NPC1: variants seen among roughly 807,000 people sequenced by gnomAD.
NPC1 encodes the protein NPC intracellular cholesterol transporter 1.
Under a neutral mutation model 140.4 loss-of-function variants are expected in NPC1, and 85 were observed. The observed-to-expected ratio is 0.61, with a 90% confidence interval of 0.51 to 0.72. NPC1 has a LOEUF of 0.72. Among genes scored for constraint, NPC1 ranks in the 30% least tolerant of loss-of-function variants. The pLI is 0.00. For synonymous variants in NPC1, 656 were observed against 624.8 expected (o/e 1.05, Z -0.74); for missense variants, 1,504 against 1,623.8 (o/e 0.93, Z 1.27).
At chr18:23,528,524 A>G (rs2058376209), downstream of NPC1, 1 of 153,080 alleles carries the variant, frequency 6.5e-6, no homozygotes, top group South Asian at 2.1e-4. Context: ...TTAAACCAAC[A>G]AAAGCCCCAG....
rs570220611 is a variant in NPC1 at position 23,582,696 on chromosome 18, C to G, written c.57+3591G>C. On this transcript the variant is annotated intron_variant, in intron 1 of 24. Transcript: ENST00000269228. ...GTGCACACCTATAGTCCCAGCTACT[C>G]GGGAGGCTTGATGTGGGAGAATCAC... Among the ~76,000 whole-genome samples the G allele has an allele frequency of 1.5e-4, 22 of 151,638 alleles. No individual in the cohort carries two copies. The East Asian group carries it at 4.3e-3, about 30-fold the overall frequency.
downstream of NPC1, chr18:23,530,085 C>G: frequency 6.2e-7 from 1 of 1,614,232 alleles, no homozygotes; most frequent in Non-Finnish European, 8.5e-7. Context: ...CTTTTATATG[C>G]TGCATCAGTT....
intron 3 of NPC1, among the ~76,000 whole-genome samples, chr18:23,512,177 C>T (rs866818897): frequency 1.3e-5 from 2 of 151,776 alleles, no homozygotes; most frequent in African/African-American, 2.4e-5. Context: ...CCCAGCACCA[C>T]GCCTGGCTAA....
downstream of NPC1, chr18:23,518,766 A>G: frequency 1.3e-6 from 1 of 788,208 alleles, no homozygotes; most frequent in South Asian, 1.7e-5. Context: ...CTTTGTAAAC[A>G]CTTGTTGGCA....
chr18:23,586,424 G>A lies in NPC1; in HGVS notation c.-81C>T. 6.6e-7 allele frequency: 1 copy of A among 1,522,444 alleles called. No individual in the cohort carries two copies. Among genetic ancestry groups the A allele is most frequent in the Non-Finnish European group, 8.8e-7 (1 of 1,141,010 alleles). The allele number at this position is 1,522,444 out of a possible 1,614,324, so 94.3% of individuals were successfully genotyped here. A position where few individuals can be genotyped will look rare whatever the true frequency, so the allele number is the denominator to read the frequency against. ...GGAGGCGGCTCTACTTCCCCGGGCT[G>A]TTTCAGCACCCCGCGCAGGAGGAGC... is the stretch of plus-strand genomic sequence containing the variant. On this transcript the variant is annotated 5_prime_UTR_variant, in exon 1 of 25. Transcript: ENST00000269228.
chr18:23,525,189 G>A (rs143270481), downstream of NPC1, among the ~76,000 whole-genome samples: 3,485 of 151,522 alleles, frequency 0.023, 237 homozygotes, highest in East Asian at 0.29. Flanking sequence ...CAGGTGATCC[G>A]CCTGCCTCGG....
downstream of NPC1, chr18:23,519,208 G>A: frequency 6.3e-7 from 1 of 1,589,598 alleles, no homozygotes; most frequent in African/African-American, 1.3e-5. Context: ...CAAAGTTAAG[G>A]TTGCTTAAAA....
chr18:23,577,421 C>T (rs1024376470), intron 1 of NPC1, among the ~76,000 whole-genome samples: 1 of 151,468 alleles, frequency 6.6e-6, no homozygotes, highest in African/African-American at 2.4e-5. Flanking sequence ...CACGTCCTCA[C>T]CAGAGCAGCT....
At chr18:23,522,412 C>T (rs1366895103) in exon 2 of NPC1, 2 of 152,028 alleles carry the variant, frequency 1.3e-5, no homozygotes, top group African/African-American at 2.4e-5. Context: ...CACATGTGGC[C>T]CAGGACAGCT....
downstream of NPC1, chr18:23,529,091 C>G: frequency 6.6e-7 from 1 of 1,521,814 alleles, no homozygotes; most frequent in South Asian, 1.3e-5. Flanking sequence ...GGGTCCACAT[C>G]GAAGAATTCA....
chr18:23,531,063 C>T (rs1230587027), downstream of NPC1, among the ~76,000 whole-genome samples: 1 of 151,572 alleles, frequency 6.6e-6, no homozygotes, highest in African/African-American at 2.4e-5. Flanking sequence ...GGTGTGATCT[C>T]GGTTCACTGC....
downstream of NPC1, chr18:23,527,892 T>C (rs2145277789): frequency 6.2e-7 from 1 of 1,613,516 alleles, no homozygotes; most frequent in Non-Finnish European, 8.5e-7. Flanking sequence ...CCGAGCAGAG[T>C]TATGCGATGG....
chr18:23,526,283 C>G (rs886433470), downstream of NPC1, among the ~76,000 whole-genome samples: 1 of 152,194 alleles, frequency 6.6e-6, no homozygotes, highest in African/African-American at 2.4e-5. Context: ...CACGTGTTGA[C>G]ATCTTTTTCT....
chr18:23,555,762 G>C, intron 8 of NPC1, among the ~76,000 whole-genome samples: 1 of 152,000 alleles, frequency 6.6e-6, no homozygotes, highest in Non-Finnish European at 1.5e-5. Context: ...CCCATGTTCA[G>C]GCAGTGAGTG....
chr18:23,517,369 C>T (rs2058035867), downstream of NPC1, among the ~76,000 whole-genome samples: 2 of 152,126 alleles, frequency 1.3e-5, no homozygotes, highest in East Asian at 1.9e-4. Flanking sequence ...AGGGTGGTCT[C>T]GGTCTCTTGA....
intron 1 of NPC1, chr18:23,524,067 A>G: frequency 6.6e-7 from 1 of 1,520,404 alleles, no homozygotes; most frequent in Non-Finnish European, 9.1e-7. Context: ...TTTGTGTCAT[A>G]AGTACCAGCA....
At position 23,533,267 on chromosome 18, in the gene NPC1, C is replaced by T. The variant is rs2145334748; in HGVS notation, c.3754+88G>A. The T allele has an allele frequency of 3.0e-6, 4 of 1,343,088 alleles. No homozygotes were observed. The East Asian group carries it at 9.2e-5, about 31-fold the overall frequency. 83.2% of individuals were successfully genotyped at this position (1,343,088 alleles called of 1,614,324 possible). ...TATCAAATGACCATTAGTATGAGTT[C>T]AAATACTTGAAAAGAATGCCTCAGG... On this transcript the variant is annotated intron_variant, in intron 24 of 24. Coordinates refer to ENST00000269228, the MANE Select transcript of NPC1 (RefSeq NM_000271.5).
At chr18:23,538,752 AG>A in intron 19 of NPC1, 81 bp from the exon 20 acceptor site, 1 of 1,425,132 alleles carries the variant, frequency 7.0e-7, no homozygotes. Flanking sequence ...ACTGACAGTG[AG>A]GGGCATTACT....
intron 10 of NPC1, among the ~76,000 whole-genome samples, chr18:23,550,483 T>TTTTTTTTTTTTC (rs2058855499): frequency 1.0e-5 from 1 of 99,432 alleles, no homozygotes; most frequent in African/African-American, 4.6e-5. Flanking sequence ...ACATTTCTTT[T>TTTTTTTTTTTTC]TTTTTTTTTT....
Sources: gnomAD v4.1 joint callset for allele counts (sites outside exome capture counted in the v4.1 genomes callset) on GRCh38, gnomAD v4.1.1 for gene constraint, MANE v1.5 for transcripts, NCBI Gene and HGNC (gene_info 2026-07-23, HGNC 2026-07-21) for gene names.